Variants in UBXN8 observed in about 807,000 individuals in gnomAD.
The protein encoded by UBXN8 is UBX domain-containing protein 8.
Under a neutral mutation model 32.1 loss-of-function variants are expected in UBXN8, and 27 were observed. That is an observed-to-expected ratio of 0.84 (90% CI 0.62 to 1.16). The LOEUF is 1.16. Ranked by LOEUF, UBXN8 falls within the 50% of genes most tolerant of loss-of-function variation. UBXN8 has a pLI of 0.00. For missense variants in UBXN8, 306 were observed against 311.4 expected (o/e 0.98, Z 0.13); for synonymous variants, 109 against 111.8 (o/e 0.98, Z 0.16).
At chr8:30,754,582 T>C in intron 3 of UBXN8, 83 bp from the exon 4 acceptor site, 11 of 1,478,606 alleles carry the variant, frequency 7.4e-6, no homozygotes, top group Non-Finnish European at 9.9e-6. Flanking sequence ...CTTACTTGGT[T>C]CTTATTTACA....
chr8:30,741,068 A>C (rs1805188445), upstream of UBXN8, among the ~76,000 whole-genome samples: 1 of 152,188 alleles, frequency 6.6e-6, no homozygotes. Flanking sequence ...GTCCAATCCC[A>C]GTGAAATCTC....
At chr8:30,742,802 G>A (rs1053030280), upstream of UBXN8, among the ~76,000 whole-genome samples, 1 of 152,040 alleles carries the variant, frequency 6.6e-6, no homozygotes, top group South Asian at 2.1e-4. Flanking sequence ...AGCCTTCTGG[G>A]TATGGTTCTG....
intron 3 of UBXN8, among the ~76,000 whole-genome samples, chr8:30,753,963 C>T (rs1453965708): frequency 6.6e-6 from 1 of 151,830 alleles, no homozygotes; most frequent in Non-Finnish European, 1.5e-5. Flanking sequence ...AATTTTGGGC[C>T]AGGCGTGGTG....
At chr8:30,744,527 C>T (rs763984891) in intron 1 of UBXN8, 1 of 525,946 alleles carries the variant, frequency 1.9e-6, no homozygotes, top group East Asian at 2.9e-5. Context: ...ACAGTGCTTT[C>T]GCATCCTGGC....
At chr8:30,735,267 C>A (rs1336589370) in intron 1 of UBXN8, among the ~76,000 whole-genome samples, 1 of 152,190 alleles carries the variant, frequency 6.6e-6, no homozygotes, top group African/African-American at 2.4e-5. Flanking sequence ...AATGGCAGAG[C>A]AGGAATTCAA....
intron 1 of UBXN8, among the ~76,000 whole-genome samples, chr8:30,749,826 G>C: frequency 6.6e-6 from 1 of 151,862 alleles, no homozygotes; most frequent in Non-Finnish European, 1.5e-5. Context: ...AGGATGGTCT[G>C]GATCTCCTGA....
In UBXN8 at chr8:30,759,331, G is replaced by C. The variant is rs533733282; in HGVS notation, c.529-1557G>C. Among the ~76,000 whole-genome samples the C allele has an allele frequency of 5.3e-5, 8 of 151,948 alleles. No homozygotes were observed. The South Asian group carries it at 1.7e-3, about 32-fold the overall frequency. ...GCTCACTGCAATCTCTGCCTCCTGG[G>C]TTCAAGAGATTCTCATGCCTCAACC... On this transcript the variant is annotated intron_variant, in intron 5 of 7. Transcript: ENST00000265616.
upstream of UBXN8, among the ~76,000 whole-genome samples, chr8:30,729,828 G>A (rs1285324282): frequency 6.6e-6 from 1 of 152,220 alleles, no homozygotes; most frequent in Non-Finnish European, 1.5e-5. Context: ...ATGGCACAAG[G>A]TAACTGGTAA....
chr8:30,756,771 GAAGGTAC>G lies in UBXN8; in HGVS notation c.416_422del (p.Gly139ValfsTer22). ...GTCTGTTGTGTTTGACCAGGGTGAT[GAAGGTAC>G]AAGTCAGACATCTTTTGAAACATCA... On this transcript the variant is annotated frameshift_variant, in exon 5 of 8. Transcript: ENST00000265616. LOFTEE classifies it high-confidence loss of function. The G allele has an allele frequency of 6.2e-7, 1 of 1,614,038 alleles. No homozygotes were observed. The highest frequency in any genetic ancestry group is 1.3e-5 in the African/African-American group (1 of 75,068).
intron 7 of UBXN8, among the ~76,000 whole-genome samples, chr8:30,764,022 G>C (rs1442774707): frequency 6.6e-6 from 1 of 152,062 alleles, no homozygotes; most frequent in African/African-American, 2.4e-5. Flanking sequence ...CAATACTGTG[G>C]TTGTTAGTGA....
At chr8:30,753,251 A>G in intron 3 of UBXN8, 146 bp downstream of exon 3, 1 of 1,226,866 alleles carries the variant, frequency 8.2e-7, no homozygotes, top group South Asian at 3.0e-5. Flanking sequence ...TAAATTGACC[A>G]TTTTATTTTA....
intron 7 of UBXN8, among the ~76,000 whole-genome samples, chr8:30,765,519 G>A (rs533856976): frequency 1.1e-4 from 14 of 123,798 alleles, no homozygotes; most frequent in African/African-American, 4.2e-4. Context: ...TATATGTTTC[G>A]GGAAAAAAAA....
upstream of UBXN8, among the ~76,000 whole-genome samples, chr8:30,731,658 G>A (rs191379887): frequency 4.6e-5 from 7 of 151,776 alleles, no homozygotes; most frequent in East Asian, 1.2e-3. Flanking sequence ...CTGGCTAAGC[G>A]GTGGCCAAGA....
rs180998938 is a variant in UBXN8 at position 30,747,858 on chromosome 8, G to A, written c.89-3538G>A. 9.8e-4 allele frequency among the ~76,000 whole-genome samples: 130 copies of A among 132,294 alleles called. 16 individuals are homozygous for A. Among genetic ancestry groups the A allele is most frequent in the Non-Finnish European group, 1.8e-3 (112 of 62,838 alleles). The allele number at this position is 132,294 out of a possible 152,430, so 86.8% of individuals were successfully genotyped here. On this transcript the variant is annotated intron_variant, in intron 1 of 7. Coordinates refer to ENST00000265616, the MANE Select transcript of UBXN8 (RefSeq NM_005671.4). The stretch of plus-strand genomic sequence containing the variant: ...TCATGCCTGTAATCCCAGCACTTTG[G>A]GAGGCCAAGTTTTCTTTTTTTAATA...
chr8:30,741,639 AC>A (rs1805203504), upstream of UBXN8, among the ~76,000 whole-genome samples: 3 of 151,916 alleles, frequency 2.0e-5, no homozygotes, highest in African/African-American at 7.3e-5. Flanking sequence ...TTTCGTAGAG[AC>A]AGGGTTTCAC....
At chr8:30,737,779 T>G (rs60425647) in intron 1 of UBXN8, among the ~76,000 whole-genome samples, 35,399 of 151,664 alleles carry the variant, frequency 0.23, 4,756 homozygotes, top group African/African-American at 0.38. Flanking sequence ...GCCTGGGAGG[T>G]GGAGGCTGCA....
chr8:30,744,689 G>A (rs548665028), intron 1 of UBXN8, among the ~76,000 whole-genome samples: 25 of 152,242 alleles, frequency 1.6e-4, no homozygotes, highest in Non-Finnish European at 3.1e-4. Flanking sequence ...CTCCTGCCTC[G>A]GCCTCTCAAA....
chr8:30,737,675 G>C (rs553188682), intron 1 of UBXN8, among the ~76,000 whole-genome samples: 4 of 152,194 alleles, frequency 2.6e-5, no homozygotes, highest in African/African-American at 9.6e-5. Context: ...GCAACAGAGC[G>C]AGACCCTGTC....
intron 1 of UBXN8, among the ~76,000 whole-genome samples, chr8:30,737,423 C>A (rs75891394): frequency 0.25 from 37,703 of 151,936 alleles, 5,293 homozygotes; most frequent in African/African-American, 0.39. Flanking sequence ...TCCAAAAACA[C>A]CATCCCAGCT....
Sources: allele counts gnomAD v4.1 joint callset (sites outside exome capture counted in the v4.1 genomes callset), GRCh38; gene constraint gnomAD v4.1.1; transcripts MANE v1.5; gene names NCBI Gene and HGNC (gene_info 2026-07-23, HGNC 2026-07-21).